The following STX8 variants were observed in gnomAD, a reference collection of about 807,000 sequenced individuals.
STX8 encodes syntaxin-8.
STX8 carries 23 observed loss-of-function variants against 37.5 expected under a neutral mutation model. The observed-to-expected ratio is 0.61, with a 90% CI of 0.44 to 0.87. The LOEUF (loss-of-function observed/expected upper bound fraction) is 0.87. Ranked by LOEUF, STX8 falls within the 40% of genes least tolerant of loss-of-function variation. The probability of loss-of-function intolerance (pLI) is 0.00; values close to 1 mark genes in which losing one functional copy is unlikely to be tolerated. For synonymous variants in STX8, 115 were observed against 99.1 expected, an observed-to-expected ratio of 1.16 and a Z score of -0.95; for missense variants, 313 against 284.7, an observed-to-expected ratio of 1.10 and a Z score of -0.71.
chr17:9,401,845 G>A (rs1429873759), intron 6 of STX8, among the ~76,000 whole-genome samples: 3 of 152,090 alleles, frequency 2.0e-5, no homozygotes, highest in Non-Finnish European at 4.4e-5. Context: ...ACTTGAAGAG[G>A]TTTTCTCTAC....
intron 4 of STX8, among the ~76,000 whole-genome samples, chr17:9,537,819 C>T (rs566851443): frequency 1.3e-5 from 2 of 152,332 alleles, no homozygotes; most frequent in East Asian, 3.9e-4. Context: ...TACAGTCTCC[C>T]TAGCTAAATC....
intron 6 of STX8, among the ~76,000 whole-genome samples, chr17:9,400,538 G>A (rs1912572845): frequency 6.6e-6 from 1 of 151,968 alleles, no homozygotes; most frequent in Non-Finnish European, 1.5e-5. Context: ...CCGAGTAGCT[G>A]GTATTACAGG....
chr17:9,445,878 C>G (rs897885799), intron 6 of STX8, among the ~76,000 whole-genome samples: 1 of 137,244 alleles, frequency 7.3e-6, no homozygotes, highest in African/African-American at 2.8e-5. Flanking sequence ...TGCTCTGTCT[C>G]CCAGGCTGGA....
intron 7 of STX8, among the ~76,000 whole-genome samples, chr17:9,356,482 C>T (rs903738186): frequency 6.6e-6 from 1 of 152,206 alleles, no homozygotes; most frequent in Non-Finnish European, 1.5e-5. Context: ...GACCTGGTGT[C>T]TGCCAGCTCC....
chr17:9,302,065 AT>A (rs1194880649), intron 7 of STX8, among the ~76,000 whole-genome samples: 5 of 152,284 alleles, frequency 3.3e-5, no homozygotes, highest in South Asian at 2.1e-4. Context: ...GTACCAGAGT[AT>A]TTTGGGGAGG....
intron 7 of STX8, among the ~76,000 whole-genome samples, chr17:9,340,338 T>C (rs1567790380): frequency 6.6e-6 from 1 of 152,220 alleles, no homozygotes; most frequent in Non-Finnish European, 1.5e-5. Context: ...TCCTCTAATG[T>C]CGATCTGGGA....
At chr17:9,393,185 A>AG (rs1252959014) in intron 6 of STX8, among the ~76,000 whole-genome samples, 1 of 152,242 alleles carries the variant, frequency 6.6e-6, no homozygotes, top group Non-Finnish European at 1.5e-5. Flanking sequence ...AGAGGCCAGA[A>AG]GGAAGTATAG....
At chr17:9,426,623 T>C (rs1332772119) in intron 6 of STX8, among the ~76,000 whole-genome samples, 1 of 151,598 alleles carries the variant, frequency 6.6e-6, no homozygotes, top group Non-Finnish European at 1.5e-5. Flanking sequence ...TAGCCAGGCA[T>C]GGTGGCACAT....
intron 7 of STX8, among the ~76,000 whole-genome samples, chr17:9,342,445 A>T (rs914649485): frequency 6.6e-6 from 1 of 152,124 alleles, no homozygotes; most frequent in Non-Finnish European, 1.5e-5. Context: ...GAAAATGCAA[A>T]GGGAGAGCCC....
chr17:9,409,800 A>G lies in STX8; in HGVS notation c.542-31147T>C, dbSNP rs144581334. On this transcript the variant is annotated intron_variant, in intron 6 of 7. Transcript: ENST00000306357. ...AATTGGAAGCACTGGGGGGAAAAAA[A>G]GCCAGGTCAGTGGTTCCTCCCTTGT... Among the ~76,000 whole-genome samples the G allele has an allele frequency of 2.7e-3, 413 of 152,224 alleles. 1 individual carries two copies. The highest frequency in any genetic ancestry group is 0.01 in the Middle Eastern group (3 of 292).
chr17:9,519,362 A>ATT (rs112855565), intron 4 of STX8, among the ~76,000 whole-genome samples: 2 of 149,904 alleles, frequency 1.3e-5, no homozygotes, highest in African/African-American at 5.0e-5. Context: ...CATCCAAGCC[A>ATT]TTTTTTTTTT....
chr17:9,538,049 G>A, intron 4 of STX8, among the ~76,000 whole-genome samples: 1 of 152,126 alleles, frequency 6.6e-6, no homozygotes. Context: ...ATGAAGGAAG[G>A]TTTGCTTTAC....
chr17:9,429,989 A>ATATAT (rs1351373598), intron 6 of STX8, among the ~76,000 whole-genome samples: 2 of 15,656 alleles, frequency 1.3e-4, no homozygotes, highest in Non-Finnish European at 1.8e-4. Flanking sequence ...AGAATATATT[A>ATATAT]TATATAATAT....
At chr17:9,554,439 T>C (rs938860166) in intron 3 of STX8, 16 of 152,316 alleles carry the variant, frequency 1.1e-4, no homozygotes, top group African/African-American at 3.6e-4. Context: ...ATGAGATTAT[T>C]AGGACTCATA....
At chr17:9,392,937 G>C (rs543147224) in intron 6 of STX8, among the ~76,000 whole-genome samples, 3 of 152,194 alleles carry the variant, frequency 2.0e-5, no homozygotes, top group South Asian at 2.1e-4. Context: ...AAAAATACGT[G>C]AACAAATAAT....
intron 6 of STX8, among the ~76,000 whole-genome samples, chr17:9,435,399 G>A (rs144608968): frequency 1.3e-5 from 2 of 152,248 alleles, no homozygotes; most frequent in South Asian, 4.2e-4. Context: ...CAGAGTGAGA[G>A]AGACCCAAAG....
chr17:9,265,518 G>A (rs1193031159), intron 7 of STX8, among the ~76,000 whole-genome samples: 1 of 152,250 alleles, frequency 6.6e-6, no homozygotes, highest in Admixed American at 6.5e-5. Context: ...CACCATTACT[G>A]GCGCTAGGCA....
At chr17:9,495,482 G>C (rs893151506) in intron 5 of STX8, among the ~76,000 whole-genome samples, 3 of 151,988 alleles carry the variant, frequency 2.0e-5, no homozygotes, top group Non-Finnish European at 4.4e-5. Context: ...GTTTCCATTA[G>C]GAAAAGAGTC....
At chr17:9,327,414 AAAG>A (rs1383650083) in intron 7 of STX8, among the ~76,000 whole-genome samples, 1 of 151,950 alleles carries the variant, frequency 6.6e-6, no homozygotes, top group Non-Finnish European at 1.5e-5. Context: ...AGAAGAAGAA[AAAG>A]AAGATCCAAA....
Sources: gnomAD v4.1 joint callset for allele counts (sites outside exome capture counted in the v4.1 genomes callset) on GRCh38, gnomAD v4.1.1 for gene constraint, MANE v1.5 for transcripts, NCBI Gene and HGNC (gene_info 2026-07-23, HGNC 2026-07-21) for gene names.